CTNNA2: variants seen among roughly 807,000 people sequenced by gnomAD.
CTNNA2 encodes the protein catenin alpha-2.
CTNNA2 carries 42 observed loss-of-function variants against 101.0 expected under a neutral mutation model. The observed-to-expected ratio is 0.42, with a 90% confidence interval of 0.32 to 0.54. CTNNA2 has a LOEUF of 0.54. Ranked by LOEUF, CTNNA2 falls within the 20% of genes least tolerant of loss-of-function variation. The probability of loss-of-function intolerance (pLI) is 0.14; values close to 1 mark genes in which losing one functional copy is unlikely to be tolerated. For synonymous variants in CTNNA2, 450 were observed against 456.4 expected, an observed-to-expected ratio of 0.99 and a Z score of 0.18; for missense variants, 871 against 1,223.1, an observed-to-expected ratio of 0.71 and a Z score of 4.29.
At chr2:79,377,660 G>T (rs1031215707) in intron 4 of CTNNA2, among the ~76,000 whole-genome samples, 5 of 152,140 alleles carry the variant, frequency 3.3e-5, no homozygotes, top group Admixed American at 6.5e-5. Context: ...GGGGAAAAGG[G>T]CATGTTTGCT....
At chr2:80,191,268 T>C (rs746710668) in intron 7 of CTNNA2, among the ~76,000 whole-genome samples, 21 of 152,222 alleles carry the variant, frequency 1.4e-4, no homozygotes, top group Non-Finnish European at 2.8e-4. Context: ...AAACAAACTT[T>C]GGTAAGATTT....
chr2:80,138,369 A>C (rs934645508), intron 7 of CTNNA2, among the ~76,000 whole-genome samples: 3 of 152,218 alleles, frequency 2.0e-5, no homozygotes, highest in Non-Finnish European at 4.4e-5. Context: ...TACATAGCCT[A>C]TCTATGCCTT....
chr2:79,375,292 A>G (rs899634887), intron 4 of CTNNA2, among the ~76,000 whole-genome samples: 6 of 152,324 alleles, frequency 3.9e-5, no homozygotes, highest in Admixed American at 3.9e-4. Flanking sequence ...TGACCAAGTT[A>G]GCCTGCAACA....
chr2:79,418,822 G>A (rs1678510284), intron 4 of CTNNA2, among the ~76,000 whole-genome samples: 2 of 152,016 alleles, frequency 1.3e-5, no homozygotes, highest in Non-Finnish European at 2.9e-5. Flanking sequence ...AAATCTAAAT[G>A]CTCCCTAGAG....
intron 18 of CTNNA2, among the ~76,000 whole-genome samples, chr2:80,631,811 G>T (rs1672323768): frequency 6.6e-6 from 1 of 152,114 alleles, no homozygotes. Flanking sequence ...CTATTAGCTA[G>T]CAAGTTCTTC....
intron 1 of CTNNA2, among the ~76,000 whole-genome samples, chr2:79,553,586 A>G (rs1274193899): frequency 1.3e-5 from 2 of 152,202 alleles, no homozygotes; most frequent in African/African-American, 4.8e-5. Context: ...ACTTATAGTT[A>G]TGGTGGAAGG....
intron 3 of CTNNA2, among the ~76,000 whole-genome samples, chr2:79,365,709 T>G (rs74943354): frequency 0.038 from 5,792 of 152,188 alleles, 151 homozygotes; most frequent in African/African-American, 0.085. Flanking sequence ...GTTTTTTGTT[T>G]TTTTGTTTTA....
chr2:79,951,687 TTAAAA>T (rs145883822), intron 7 of CTNNA2, among the ~76,000 whole-genome samples: 19,988 of 86,762 alleles, frequency 0.23, 1,460 homozygotes, highest in Non-Finnish European at 0.29. Context: ...ATAAGATAAG[TTAAAA>T]TAAAATAAAA....
chr2:80,227,772 T>C (rs1708971268), intron 7 of CTNNA2, among the ~76,000 whole-genome samples: 1 of 152,126 alleles, frequency 6.6e-6, no homozygotes. Context: ...TTATGACTTG[T>C]CTGAGAGATC....
intron 2 of CTNNA2, chr2:79,687,433 A>G: frequency 4.1e-6 from 2 of 491,268 alleles, no homozygotes; most frequent in Non-Finnish European, 7.0e-6. Context: ...ATAAAAGGTC[A>G]TTTGGATCTG....
chr2:79,627,529 C>T (rs1679400506), intron 1 of CTNNA2, among the ~76,000 whole-genome samples: 1 of 152,152 alleles, frequency 6.6e-6, no homozygotes, highest in African/African-American at 2.4e-5. Context: ...TATTTCAGGC[C>T]CCATTATACC....
At chr2:79,314,614 C>A (rs975578142) in intron 3 of CTNNA2, among the ~76,000 whole-genome samples, 1 of 152,176 alleles carries the variant, frequency 6.6e-6, no homozygotes. Flanking sequence ...GGGGCATGGA[C>A]CAAAGTCTTG....
chr2:79,622,021 T>C (rs1396510642), intron 1 of CTNNA2, among the ~76,000 whole-genome samples: 2 of 152,196 alleles, frequency 1.3e-5, no homozygotes. Flanking sequence ...GAAGACTAAA[T>C]GTAATGTGTG....
intron 7 of CTNNA2, among the ~76,000 whole-genome samples, chr2:80,080,616 CTG>C (rs1699074502): frequency 6.6e-6 from 1 of 152,108 alleles, no homozygotes; most frequent in Admixed American, 6.6e-5. Flanking sequence ...TGAGACTTCC[CTG>C]TTTAGAGAGA....
At chr2:79,749,265 C>T (rs557629484) in intron 3 of CTNNA2, among the ~76,000 whole-genome samples, 84 of 152,062 alleles carry the variant, frequency 5.5e-4, no homozygotes, top group African/African-American at 1.8e-3. Context: ...ATGCATCTGC[C>T]GTATGGGGTC....
intron 3 of CTNNA2, among the ~76,000 whole-genome samples, chr2:79,758,096 C>T (rs1362585680): frequency 6.6e-6 from 1 of 152,096 alleles, no homozygotes; most frequent in African/African-American, 2.4e-5. Flanking sequence ...ATCTCCATTT[C>T]ATGTAATTCA....
chr2:79,309,279 T>G (rs115544730), intron 2 of CTNNA2, among the ~76,000 whole-genome samples: 298 of 152,278 alleles, frequency 2.0e-3, no homozygotes, highest in African/African-American at 6.9e-3. Context: ...GTACTACATA[T>G]TTGGATTAAC....
chr2:79,938,507 A>G (rs1687937744), intron 7 of CTNNA2, among the ~76,000 whole-genome samples: 1 of 152,204 alleles, frequency 6.6e-6, no homozygotes, highest in Admixed American at 6.5e-5. Flanking sequence ...GCTGTCAGAA[A>G]ATATTATTAT....
chr2:79,334,176 A>G (rs1676939110), intron 3 of CTNNA2, among the ~76,000 whole-genome samples: 1 of 152,116 alleles, frequency 6.6e-6, no homozygotes, highest in African/African-American at 2.4e-5. Context: ...GAACACTAGA[A>G]CTTATTTCCC....
Sources: gnomAD v4.1 joint callset for allele counts (sites outside exome capture counted in the v4.1 genomes callset) on GRCh38, gnomAD v4.1.1 for gene constraint, MANE v1.5 for transcripts, NCBI Gene and HGNC (gene_info 2026-07-23, HGNC 2026-07-21) for gene names.